SESTD1: variants seen among roughly 807,000 people sequenced by gnomAD.
SESTD1 encodes the protein SEC14 and spectrin domain containing 1, also known as SEC14 domain and spectrin repeat-containing protein 1.
In SESTD1, 43 loss-of-function variants were observed where a neutral mutation model predicts 101.7. The observed-to-expected ratio is 0.42, with a 90% CI of 0.33 to 0.55. The LOEUF (loss-of-function observed/expected upper bound fraction) is 0.55. SESTD1 is among the 20% of genes least tolerant of loss of function. The pLI, the probability that SESTD1 is intolerant of heterozygous loss-of-function variation, is 0.07. For missense variants in SESTD1, 647 were observed against 815.1 expected (o/e 0.79, Z 2.51); for synonymous variants, 283 against 286.8 (o/e 0.99, Z 0.13).
chr2:179,117,388 ATTC>A, intron 14 of SESTD1, 141 bp downstream of exon 14: 1 of 613,836 alleles, frequency 1.6e-6, no homozygotes, highest in Non-Finnish European at 2.6e-6. Flanking sequence ...ACCAAAGTGT[ATTC>A]TTCAACAAGA....
At chr2:179,162,357 A>G (rs2105463704) in intron 5 of SESTD1, 1 of 152,332 alleles carries the variant, frequency 6.6e-6, no homozygotes, top group East Asian at 1.9e-4. Context: ...AATGCTAAAT[A>G]ATGTTGCTCT....
chr2:179,220,344 A>C (rs936119816), intron 1 of SESTD1, among the ~76,000 whole-genome samples: 2 of 152,216 alleles, frequency 1.3e-5, no homozygotes, highest in Non-Finnish European at 2.9e-5. Flanking sequence ...TAATTTACAG[A>C]TAAATCCTTA....
At chr2:179,116,454 G>A (rs2044635233) in intron 15 of SESTD1, 3 of 636,312 alleles carry the variant, frequency 4.7e-6, no homozygotes, top group Middle Eastern at 4.2e-4. Flanking sequence ...TAAATCAGAG[G>A]GACCATGCAG....
At chr2:179,229,878 A>T (rs1220885509) in intron 1 of SESTD1, among the ~76,000 whole-genome samples, 3 of 148,162 alleles carry the variant, frequency 2.0e-5, no homozygotes, top group Non-Finnish European at 4.5e-5. Context: ...CATCCAACAA[A>T]CAAACCAAAC....
chr2:179,130,815 T>C (rs977490700), intron 10 of SESTD1, among the ~76,000 whole-genome samples: 3 of 151,940 alleles, frequency 2.0e-5, no homozygotes, highest in African/African-American at 7.2e-5. Flanking sequence ...TATAGTAACA[T>C]GTTCTAGAAC....
chr2:179,127,379 T>C (rs955021377), intron 10 of SESTD1, among the ~76,000 whole-genome samples: 1 of 152,234 alleles, frequency 6.6e-6, no homozygotes, highest in South Asian at 2.1e-4. Flanking sequence ...AAATTCCATA[T>C]AGTAAGACAG....
Position 179,230,113 on chromosome 2 carries a change from C to CTTTTTTTTT in SESTD1, c.-26+34377_-26+34385dup, listed in dbSNP as rs71023474. On this transcript the variant is annotated intron_variant, in intron 1 of 17. Transcript: ENST00000428443. ...AAATATTCCAAACTGGATTGTATCTCTTTTTTTTTTTTTTTTTTTTTTTTT... is the reference window on the plus strand; with the variant it reads ...AAATATTCCAAACTGGATTGTATCTCTTTTTTTTTTTTTTTTTTTTTTTTTTTTTTTTTT... Among the ~76,000 whole-genome samples, 167 of 56,416 alleles carry CTTTTTTTTT rather than the reference C, an allele frequency of 3.0e-3. 53 individuals carry two copies. Among genetic ancestry groups the CTTTTTTTTT allele is most frequent in the East Asian group, 8.8e-3 (10 of 1,136 alleles). The allele number at this position is 56,416 out of a possible 152,430, so 37.0% of individuals were successfully genotyped here.
chr2:179,178,368 T>C (rs980381790), intron 3 of SESTD1, among the ~76,000 whole-genome samples: 1 of 152,216 alleles, frequency 6.6e-6, no homozygotes, highest in East Asian at 1.9e-4. Flanking sequence ...TGGTGCCTCA[T>C]GTCTCTAATC....
intron 1 of SESTD1, among the ~76,000 whole-genome samples, chr2:179,232,816 A>G (rs1370263317): frequency 6.6e-6 from 1 of 152,214 alleles, no homozygotes; most frequent in Non-Finnish European, 1.5e-5. Flanking sequence ...ATATACATTT[A>G]TCTGTCCATT....
intron 1 of SESTD1, among the ~76,000 whole-genome samples, chr2:179,253,302 T>G (rs962967310): frequency 1.3e-5 from 2 of 152,166 alleles, no homozygotes; most frequent in Non-Finnish European, 2.9e-5. Flanking sequence ...AATGCAATCT[T>G]GTTTTCTAGA....
chr2:179,210,520 G>T lies in SESTD1; in HGVS notation c.-25-18654C>A, dbSNP rs1461616929. Among the ~76,000 whole-genome samples, 2 of 134,858 alleles carry T rather than the reference G, an allele frequency of 1.5e-5. 1 individual carries two copies. The allele number at this position is 134,858 out of a possible 152,430, so 88.5% of individuals were successfully genotyped here. A position where few individuals can be genotyped will look rare whatever the true frequency, so the allele number is the denominator to read the frequency against. On this transcript the variant is annotated intron_variant, in intron 1 of 17. Coordinates refer to ENST00000428443, the MANE Select transcript of SESTD1 (RefSeq NM_178123.5). ...GTTTCATACTAGGGATGCAGGGTTGGTTTAACATACACCAGTTGATATATG... is the reference window on the plus strand; with the variant it reads ...GTTTCATACTAGGGATGCAGGGTTGTTTTAACATACACCAGTTGATATATG...
At chr2:179,214,473 G>A (rs1440709413) in intron 1 of SESTD1, among the ~76,000 whole-genome samples, 1 of 134,138 alleles carries the variant, frequency 7.5e-6, no homozygotes, top group Non-Finnish European at 1.6e-5. Flanking sequence ...CAATACAGGA[G>A]CACCCAGATT....
chr2:179,173,803 C>G (rs1185274367), intron 4 of SESTD1, among the ~76,000 whole-genome samples: 1 of 135,948 alleles, frequency 7.4e-6, no homozygotes, highest in Non-Finnish European at 1.7e-5. Flanking sequence ...CAGCCACACA[C>G]CACACAATAT....
At chr2:179,203,564 T>C (rs952290422) in intron 1 of SESTD1, among the ~76,000 whole-genome samples, 1 of 134,798 alleles carries the variant, frequency 7.4e-6, no homozygotes. Context: ...TAAACATCTC[T>C]TCTATAGGCT....
chr2:179,183,332 A>C, intron 2 of SESTD1, 144 bp from the exon 3 acceptor site: 2 of 517,544 alleles, frequency 3.9e-6, no homozygotes, highest in African/African-American at 2.0e-5. Context: ...TATAGATTGT[A>C]AATTTTTATG....
intron 1 of SESTD1, among the ~76,000 whole-genome samples, chr2:179,239,974 A>G (rs1172841933): frequency 6.6e-6 from 1 of 152,214 alleles, no homozygotes; most frequent in Non-Finnish European, 1.5e-5. Flanking sequence ...CCAGCTTCAC[A>G]TCTTCTGAAA....
chr2:179,139,944 T>C (rs538472624), intron 9 of SESTD1, among the ~76,000 whole-genome samples: 2 of 152,310 alleles, frequency 1.3e-5, no homozygotes, highest in Admixed American at 6.5e-5. Context: ...AACTGGTCTG[T>C]TACTGGCCAG....
Position 179,115,177 on chromosome 2 carries a change from G to A in SESTD1, c.1727C>T (p.Ser576Phe). The A allele has an allele frequency of 6.2e-7, 1 of 1,613,994 alleles. No homozygotes were observed. The highest frequency in any genetic ancestry group is 8.5e-7 in the Non-Finnish European group (1 of 1,179,966). The change falls in exon 16 of 18, where the codon TCT becomes TTT. Residue 576 changes from serine to phenylalanine, a missense_variant. Transcript: ENST00000428443. ...GTTCAGTCGAGGAAGTGTATCCCCA[G>A]ATGACCGAGAAGTGCAGCGCAAAGA... ...CQSLRCTSRS[S>F]GDTLPRLNRV...
intron 5 of SESTD1, 55 bp from the exon 6 acceptor site, chr2:179,151,446 G>A (rs1392818038): frequency 1.3e-5 from 17 of 1,281,346 alleles, no homozygotes; most frequent in Non-Finnish European, 1.3e-5. Flanking sequence ...TAAAATCCAC[G>A]AAAGTAACCA....
Sources: allele counts gnomAD v4.1 joint callset (sites outside exome capture counted in the v4.1 genomes callset), GRCh38; gene constraint gnomAD v4.1.1; transcripts MANE v1.5; gene names NCBI Gene and HGNC (gene_info 2026-07-23, HGNC 2026-07-21).